MARK1: variants seen among roughly 807,000 people sequenced by gnomAD.
MARK1 encodes serine/threonine-protein kinase MARK1.
A neutral mutation model predicts 96.3 loss-of-function variants in MARK1; 40 were observed. That is an observed-to-expected ratio of 0.42 (90% CI 0.32 to 0.54). MARK1 has a LOEUF of 0.54. MARK1 is among the 20% of genes least tolerant of loss of function. MARK1 has a pLI of 0.16. For missense variants in MARK1, 719 were observed against 984.6 expected (o/e 0.73, Z 3.61); for synonymous variants, 317 against 341.2 (o/e 0.93, Z 0.78).
chr1:220,625,594 G>A (rs769453492), intron 9 of MARK1: 2 of 203,988 alleles, frequency 9.8e-6, no homozygotes, highest in Non-Finnish European at 2.0e-5. Flanking sequence ...GGGAAGATAG[G>A]GGAAAACATT....
chr1:220,645,707 C>A (rs574337748), intron 13 of MARK1, among the ~76,000 whole-genome samples: 1 of 152,096 alleles, frequency 6.6e-6, no homozygotes, highest in Admixed American at 6.6e-5. Context: ...TTATCCACTG[C>A]GATCAAGTTG....
At chr1:220,628,916 TAA>T (rs202116431) in intron 9 of MARK1, among the ~76,000 whole-genome samples, 23 of 139,854 alleles carry the variant, frequency 1.6e-4, no homozygotes, top group Non-Finnish European at 1.6e-4. Flanking sequence ...ACCCTGTCTT[TAA>T]AAAAAAAAAA....
chr1:220,550,366 T>A (rs1052219976), intron 1 of MARK1, among the ~76,000 whole-genome samples: 1 of 152,222 alleles, frequency 6.6e-6, no homozygotes, highest in African/African-American at 2.4e-5. Flanking sequence ...CTCTTTTTTT[T>A]TCTTGAGACA....
In MARK1 at chr1:220,654,458, A is replaced by AT. The variant is rs1227752923; in HGVS notation, c.1988+1107dup. On this transcript the variant is annotated intron_variant, in intron 16 of 17. Transcript: ENST00000366917. This position sits in a 1 kb window ranked among gnomAD's most constrained non-coding sequence, Gnocchi z 4.0. ...TGGTTCATACATCAGTTTGCCCAGT[A>AT]TCACATAGCTGAATTAAAAACTTTA... Among the ~76,000 whole-genome samples the AT allele has an allele frequency of 6.6e-6, 1 of 152,248 alleles. No individual in the cohort carries two copies. Among genetic ancestry groups the AT allele is most frequent in the Non-Finnish European group, 1.5e-5 (1 of 68,048 alleles).
intron 1 of MARK1, among the ~76,000 whole-genome samples, chr1:220,572,209 C>T (rs1292425827): frequency 2.6e-5 from 4 of 152,016 alleles, no homozygotes; most frequent in African/African-American, 9.7e-5. Flanking sequence ...TAGTGTTGTT[C>T]AGATTTTGTG....
intron 1 of MARK1, among the ~76,000 whole-genome samples, chr1:220,578,355 G>T (rs1664012444): frequency 6.6e-6 from 1 of 152,210 alleles, no homozygotes; most frequent in Non-Finnish European, 1.5e-5. Context: ...GGGAATTTAG[G>T]TGTTGAGTCC....
At chr1:220,533,321 G>A (rs944750431) in intron 1 of MARK1, among the ~76,000 whole-genome samples, 2 of 152,004 alleles carry the variant, frequency 1.3e-5, no homozygotes, top group African/African-American at 4.8e-5. Context: ...AAGAAGAAAT[G>A]TATTTAATGT....
chr1:220,563,656 G>A (rs1384302869), intron 1 of MARK1, among the ~76,000 whole-genome samples: 1 of 152,144 alleles, frequency 6.6e-6, no homozygotes, highest in Non-Finnish European at 1.5e-5. Context: ...GGTGAAAATT[G>A]ACCATAGCCC....
intron 9 of MARK1, chr1:220,627,142 A>C (rs967360306): frequency 2.0e-6 from 1 of 497,408 alleles, no homozygotes; most frequent in Non-Finnish European, 4.1e-6. Context: ...CCTGGGTCCA[A>C]ATGCAGGTGA....
At chr1:220,568,303 G>A in intron 1 of MARK1, among the ~76,000 whole-genome samples, 1 of 152,116 alleles carries the variant, frequency 6.6e-6, no homozygotes, top group East Asian at 1.9e-4. Context: ...TTTAAGCAAA[G>A]ACTTGAGGGA....
chr1:220,529,109 C>T lies in MARK1; in HGVS notation c.51+236C>T, dbSNP rs375864638. On this transcript the variant is annotated intron_variant, in intron 1 of 17. Transcript: ENST00000366917. ...GAACCGTAAGTGGCGCCCTCTCGCT[C>T]GGAGGTGGTCCTCCAGGGGCGGATG... Among the ~76,000 whole-genome samples, 15 of 152,308 alleles carry T rather than the reference C, an allele frequency of 9.8e-5. 1 individual carries two copies. The East Asian group carries it at 1.5e-3, about 16-fold the overall frequency.
chr1:220,653,088 T>C lies in MARK1; in HGVS notation c.1737-13T>C, dbSNP rs1668971003. 6.2e-7 allele frequency: 1 copy of C among 1,612,878 alleles called. No homozygotes were observed. Among genetic ancestry groups the C allele is most frequent in the Non-Finnish European group, 8.5e-7 (1 of 1,179,048 alleles). Reference sequence around the variant, plus strand: ...CATTATTCTGAATGATATATCTTAATTTGTCCCAGCAGTACAACCCAGAGA... The same window carrying C: ...CATTATTCTGAATGATATATCTTAACTTGTCCCAGCAGTACAACCCAGAGA... On this transcript the variant is annotated splice_polypyrimidine_tract_variant and intron_variant, in intron 15 of 17. Transcript: ENST00000366917.
chr1:220,650,754 G>C, intron 14 of MARK1, 34 bp downstream of exon 14: 1 of 1,489,816 alleles, frequency 6.7e-7, no homozygotes, highest in Non-Finnish European at 9.4e-7. Flanking sequence ...TAATACCTTT[G>C]CTGTTGTTCT....
rs1660032877 is a variant in MARK1, at chr1:220,528,172, G to T, written c.-651G>T. ...GCCGCCAAGTGCCTCTGGGCGCTGC[G>T]TGCCGCGCCCGCTGCTCCGCGCGCA... On this transcript the variant is annotated 5_prime_UTR_variant, in exon 1 of 18. Coordinates refer to ENST00000366917, the MANE Select transcript of MARK1 (RefSeq NM_018650.5). 1 of 150,382 alleles carries T rather than the reference G, an allele frequency of 6.6e-6. No homozygotes were observed. The highest frequency in any genetic ancestry group is 2.4e-5 in the African/African-American group (1 of 41,212). The allele number at this position is 150,382 out of a possible 1,614,324, so 9.3% of individuals were successfully genotyped here.
Position 220,618,387 on chromosome 1 carries a change from G to A in MARK1, c.630G>A (p.Gly210=), listed in dbSNP as rs36024488. 52 of 1,614,026 alleles carry A rather than the reference G, an allele frequency of 3.2e-5. No homozygotes were observed. The highest frequency in any genetic ancestry group is 4.4e-5 in the Non-Finnish European group (52 of 1,179,980). ...DFGFSNEFTV[G]NKLDTFCGSP... ...GTTTTAGTAATGAATTTACAGTTGG[G>A]AACAAATTGGACACATTTTGTGGAA... The change falls in exon 8 of 18, where the codon GGG becomes GGA. Residue 210 remains glycine (G), a synonymous_variant. Transcript: ENST00000366917. This position sits in a 1 kb window ranked among gnomAD's most constrained non-coding sequence, Gnocchi z 4.6.
At chr1:220,620,791 A>G (rs75476308) in intron 9 of MARK1, among the ~76,000 whole-genome samples, 2,192 of 152,244 alleles carry the variant, frequency 0.014, 28 homozygotes, top group Middle Eastern at 0.045. Flanking sequence ...TTTTTCAGCT[A>G]TGAAACCACG....
chr1:220,658,588 C>T (rs760311320), intron 17 of MARK1, among the ~76,000 whole-genome samples: 1 of 152,030 alleles, frequency 6.6e-6, no homozygotes, highest in Non-Finnish European at 1.5e-5. Flanking sequence ...TTGAGTGTAC[C>T]CAAGCATTAA....
intron 14 of MARK1, among the ~76,000 whole-genome samples, chr1:220,651,767 A>T (rs542777655): frequency 6.6e-6 from 1 of 152,172 alleles, no homozygotes; most frequent in Non-Finnish European, 1.5e-5. Flanking sequence ...GATTTTTTTC[A>T]TAGATGATAG....
At chr1:220,572,143 G>C (rs1019476605) in intron 1 of MARK1, 1 of 152,204 alleles carries the variant, frequency 6.6e-6, no homozygotes, top group Non-Finnish European at 1.5e-5. Flanking sequence ...AAGTGTTCTT[G>C]ACTTAGAGTT....
Sources: allele counts gnomAD v4.1 joint callset (sites outside exome capture counted in the v4.1 genomes callset), GRCh38; gene constraint gnomAD v4.1.1; non-coding constraint Gnocchi (gnomAD v3.1); transcripts MANE v1.5; gene names NCBI Gene and HGNC (gene_info 2026-07-23, HGNC 2026-07-21).